SH3TC1: variants seen among roughly 807,000 people sequenced by gnomAD.
SH3TC1 encodes the protein SH3 domain and tetratricopeptide repeat-containing protein 1.
Under a neutral mutation model 117.3 loss-of-function variants are expected in SH3TC1, and 135 were observed. The observed-to-expected ratio is 1.15, with a 90% CI of 1.00 to 1.33. The LOEUF (loss-of-function observed/expected upper bound fraction) is 1.33, where lower values mean the gene tolerates loss of function less well. Among genes scored for constraint, SH3TC1 ranks in the 40% most tolerant of loss-of-function variants. SH3TC1 has a pLI of 0.00. For missense variants in SH3TC1, 2,092 were observed against 1,794.3 expected (o/e 1.17, Z -3.00); for synonymous variants, 898 against 816.9 (o/e 1.10, Z -1.69).
rs767474162 is a variant in SH3TC1, at chr4:8,227,664, G to C, written c.1970G>C (p.Gly657Ala). 1.4e-5 allele frequency: 22 copies of C among 1,530,518 alleles called. No homozygotes were observed. The Admixed American group carries it at 4.4e-4, about 30-fold the overall frequency. 94.8% of individuals were successfully genotyped at this position (1,530,518 alleles called of 1,614,324 possible). A position where few individuals can be genotyped will look rare whatever the true frequency, so the allele number is the denominator to read the frequency against. The change falls in exon 12 of 18, where the codon GGT (glycine) becomes GCT (alanine). Residue 657 changes from glycine to alanine, a missense_variant. Gly to Ala is a moderately conservative substitution (Grantham distance 60). Coordinates refer to ENST00000245105, the MANE Select transcript of SH3TC1 (RefSeq NM_018986.5). ...LLQLALRRAV[G>A]GQSLQAEARA... ...CAGCTGGCGCTGCGGCGGGCGGTGG[G>C]TGGCCAGAGCCTGCAGGCCGAGGCC...
Position 8,212,786 on chromosome 4 carries a change from C to A in SH3TC1, c.333C>A (p.Arg111=). 2 of 1,608,766 alleles carry A rather than the reference C, an allele frequency of 1.2e-6. No homozygotes were observed. Among genetic ancestry groups the A allele is most frequent in the East Asian group, 2.2e-5 (1 of 44,738 alleles). The change falls in exon 4 of 18, where the codon CGC becomes CGA. Residue 111 remains arginine (R), a synonymous_variant. Coordinates refer to ENST00000245105, the MANE Select transcript of SH3TC1 (RefSeq NM_018986.5). Reference sequence around the variant, plus strand: ...AGCAGACCCTCCGGGGCCAGCTCCGCCTGCTGGAGAATGATAGCCGGGAGA... The same window carrying A: ...AGCAGACCCTCCGGGGCCAGCTCCGACTGCTGGAGAATGATAGCCGGGAGA... ...GLQQTLRGQL[R]LLENDSREMA... is the part of the protein sequence containing the mutation.
chr4:8,210,970 C>A lies in SH3TC1; in HGVS notation c.247+1148C>A, dbSNP rs556627890. Among the ~76,000 whole-genome samples, 150 of 151,814 alleles carry A rather than the reference C, an allele frequency of 9.9e-4. No individual in the cohort carries two copies. Among genetic ancestry groups the A allele is most frequent in the Middle Eastern group, 3.4e-3 (1 of 294 alleles). ...TAAGCTTATTCAAAGGTGTGAGAAT[C>A]CATCTCTGTCTCTGTCTCATTTCCA... On this transcript the variant is annotated intron_variant, in intron 3 of 17. Coordinates refer to ENST00000245105, the MANE Select transcript of SH3TC1 (RefSeq NM_018986.5). The surrounding 1 kb of genome is among the most constrained non-coding windows in gnomAD (Gnocchi z 4.1).
chr4:8,216,348 A>C, intron 6 of SH3TC1, 91 bp downstream of exon 6: 1 of 1,518,072 alleles, frequency 6.6e-7, no homozygotes, highest in Non-Finnish European at 8.9e-7. Context: ...TGTGCTGAGC[A>C]TGTCTGGGGC....
At chr4:8,197,814 A>G (rs944564681), upstream of SH3TC1, among the ~76,000 whole-genome samples, 7 of 152,192 alleles carry the variant, frequency 4.6e-5, no homozygotes, top group African/African-American at 1.7e-4. Flanking sequence ...TTGAGGGCTC[A>G]CCGTGCAGGA....
In SH3TC1 at chr4:8,219,170, C is replaced by T. The variant is rs116765762; in HGVS notation, c.917-165C>T. Among the ~76,000 whole-genome samples the T allele has an allele frequency of 1.6e-3, 245 of 152,340 alleles. 1 individual carries two copies. Among genetic ancestry groups the T allele is most frequent in the African/African-American group, 2.6e-3 (109 of 41,574 alleles). On this transcript the variant is annotated intron_variant, in intron 8 of 17. Transcript: ENST00000245105. ...ATAAAAACATCCCCTCTGAGGACCACGTAGACATTCCCTCCCTCATTGCGG... is the reference window on the plus strand; with the variant it reads ...ATAAAAACATCCCCTCTGAGGACCATGTAGACATTCCCTCCCTCATTGCGG...
rs747048381 is a variant in SH3TC1 at position 8,227,404 on chromosome 4, C to G, written c.1710C>G (p.Cys570Trp). 5.2e-6 allele frequency: 8 copies of G among 1,549,008 alleles called. No individual in the cohort carries two copies. Among genetic ancestry groups the G allele is most frequent in the Admixed American group, 2.0e-5 (1 of 49,772 alleles). Reference protein sequence around the residue: ...ARLCFLLGRLCSRRLKLSQAR... With the variant: ...ARLCFLLGRLWSRRLKLSQAR... ...TCTGCTTCCTCCTGGGGCGGCTGTG[C>G]AGCAGGAGGCTCAAGCTGTCCCAGG... Residue 570 changes from cysteine to tryptophan, a missense_variant, in exon 12 of 18, where the codon TGC becomes TGG. By Grantham distance (215) the Cys-to-Trp change is radical. Transcript: ENST00000245105.
rs1364573743 is a variant in SH3TC1, at chr4:8,190,714, C to T, written c.-57+8504C>T. Among the ~76,000 whole-genome samples, 6 of 151,982 alleles carry T rather than the reference C, an allele frequency of 3.9e-5. No individual in the cohort carries two copies. The highest frequency in any genetic ancestry group is 2.1e-4 in the South Asian group (1 of 4,820). On this transcript the variant is annotated intron_variant, in intron 1 of 16. Coordinates refer to the SH3TC1 transcript ENST00000508641. This position sits in a 1 kb window ranked among gnomAD's most constrained non-coding sequence, Gnocchi z 4.7. ...GGAGTGCAGTAGTGTGGTTATCGCT[C>T]GCTGCAGCCTCCAACTCCTGGGCTC...
rs1181849991 is a variant in SH3TC1, at chr4:8,205,021, A to T, written c.-28-146A>T. On this transcript the variant is annotated intron_variant, in intron 1 of 17. Coordinates refer to ENST00000245105, the MANE Select transcript of SH3TC1 (RefSeq NM_018986.5). The surrounding 1 kb of genome is among the most constrained non-coding windows in gnomAD (Gnocchi z 5.4). ...GATCACGCCCACCACAACACGGTGC[A>T]CGGTGCGGTGAGGGGCTCGCTGGAT... is the stretch of plus-strand genomic sequence containing the variant. The T allele has an allele frequency of 1.8e-6, 1 of 571,152 alleles. No homozygotes were observed. The highest frequency in any genetic ancestry group is 2.9e-6 in the Non-Finnish European group (1 of 345,078). 35.4% of individuals were successfully genotyped at this position (571,152 alleles called of 1,614,324 possible). A position where few individuals can be genotyped will look rare whatever the true frequency, so the allele number is the denominator to read the frequency against.
In SH3TC1 at chr4:8,240,919, G is replaced by C; in HGVS notation, c.3975G>C (p.Gly1325=). 1 of 1,612,438 alleles carries C rather than the reference G, an allele frequency of 6.2e-7. No individual in the cohort carries two copies. The highest frequency in any genetic ancestry group is 8.5e-7 in the Non-Finnish European group (1 of 1,180,000). ...RVNLPPLPLC[G]WAPWLAPSHP... ...ACCTGCCTCCTCTGCCACTCTGCGG[G>C]TGGGCCCCCTGGTTGGCCCCCAGCC... Residue 1325 remains glycine, a synonymous_variant, in exon 18 of 18, where the codon GGG becomes GGC. Coordinates refer to ENST00000245105, the MANE Select transcript of SH3TC1 (RefSeq NM_018986.5).
In SH3TC1 at chr4:8,218,312, T is replaced by C; in HGVS notation, c.881T>C (p.Met294Thr). Residue 294 changes from methionine to threonine, a missense_variant, in exon 8 of 18, where the codon ATG becomes ACG. Transcript: ENST00000245105. Reference sequence around the variant, plus strand: ...CCCCAGGACCCCATCGACGATGCCATGGGTGGCCCTGTGATGCCCGGCAAC... The same window carrying C: ...CCCCAGGACCCCATCGACGATGCCACGGGTGGCCCTGTGATGCCCGGCAAC... ...RIPQDPIDDAMGGPVMPGNPL... is the reference protein window; with the variant it reads ...RIPQDPIDDATGGPVMPGNPL... The C allele has an allele frequency of 6.2e-7, 1 of 1,612,066 alleles. No individual in the cohort carries two copies. The highest frequency in any genetic ancestry group is 8.5e-7 in the Non-Finnish European group (1 of 1,178,468).
Position 8,228,284 on chromosome 4 carries a change from G to T in SH3TC1, c.2590G>T (p.Val864Leu), listed in dbSNP as rs368042560. ...GGTGGCCAGCGAGGACCAGGAGGGC[G>T]TGATTGCCAACATGGTGGCCGTGGC... ...AVVASEDQEG[V>L]IANMVAVALK... The change falls in exon 12 of 18, where the codon GTG (valine) becomes TTG (leucine). Residue 864 changes from valine to leucine, a missense_variant. Physicochemically the swap from Val to Leu is conservative, Grantham distance 32. Transcript: ENST00000245105. 6.2e-7 allele frequency: 1 copy of T among 1,612,316 alleles called. No individual in the cohort carries two copies. The highest frequency in any genetic ancestry group is 1.7e-5 in the Admixed American group (1 of 60,020).
intron 12 of SH3TC1, chr4:8,231,639 C>A (rs971771442): frequency 2.6e-5 from 8 of 308,892 alleles, no homozygotes; most frequent in Non-Finnish European, 4.8e-5. Context: ...GTTCCATCTG[C>A]GACAGGGGCT....
rs1465960497 is a variant in SH3TC1 at position 8,183,738 on chromosome 4, T to C, written c.-57+1528T>C. ...TCACCTTGGTATGGTACATTTGTCA[T>C]AACTAATGAGCCAATACCACCAATG... On this transcript the variant is annotated intron_variant, in intron 1 of 16. Coordinates refer to the SH3TC1 transcript ENST00000508641. The surrounding 1 kb of genome is among the most constrained non-coding windows in gnomAD (Gnocchi z 5.4). 6.6e-6 allele frequency among the ~76,000 whole-genome samples: 1 copy of C among 152,166 alleles called. No individual in the cohort carries two copies. Among genetic ancestry groups the C allele is most frequent in the Non-Finnish European group, 1.5e-5 (1 of 68,024 alleles).
rs765366188 is a variant in SH3TC1 at position 8,205,338 on chromosome 4, C to T, written c.144C>T (p.Pro48=). ...RPSVSWEKAG[P]EEAKAPVRGD... ...CTGTGAGCTGGGAGAAAGCGGGGCC[C>T]GAGGAGGCCAAGGCGCCAGTGAGAG... Residue 48 remains proline (P), a synonymous_variant, in exon 2 of 18, where the codon CCC becomes CCT. Coordinates refer to ENST00000245105, the MANE Select transcript of SH3TC1 (RefSeq NM_018986.5). This position sits in a 1 kb window ranked among gnomAD's most constrained non-coding sequence, Gnocchi z 5.4. 119 of 1,549,402 alleles carry T rather than the reference C, an allele frequency of 7.7e-5. No individual in the cohort carries two copies. Among genetic ancestry groups the T allele is most frequent in the Middle Eastern group, 4.2e-4 (2 of 4,810 alleles).
In SH3TC1 at chr4:8,228,090, A is replaced by G. The variant is rs144443559; in HGVS notation, c.2396A>G (p.His799Arg). 175 of 1,608,822 alleles carry G rather than the reference A, an allele frequency of 1.1e-4. No individual in the cohort carries two copies. The African/African-American group carries it at 1.8e-3, about 17-fold the overall frequency. ...YTSLAQLYSHHGCHGPAITFM... is the reference protein window; with the variant it reads ...YTSLAQLYSHRGCHGPAITFM... ...AGCTTGGCCCAGCTGTACAGCCACC[A>G]TGGCTGCCACGGCCCGGCCATCACC... The change falls in exon 12 of 18, where the codon CAT (histidine) becomes CGT (arginine). Residue 799 changes from histidine (H) to arginine (R), a missense_variant. Physicochemically the swap from His to Arg is conservative, Grantham distance 29. Transcript: ENST00000245105.
intron 17 of SH3TC1, among the ~76,000 whole-genome samples, chr4:8,239,750 C>T (rs1722168718): frequency 6.6e-6 from 1 of 152,230 alleles, no homozygotes. Context: ...TGGGCCCCCA[C>T]AGGCTCCTGG....
Position 8,205,397 on chromosome 4 carries a change from T to G in SH3TC1, c.172+31T>G. Reference sequence around the variant, plus strand: ...TTCATTCCACCCTCACCACCCGCCCTCCATCCCACCCACTTCTCCACCCCA... The same window carrying G: ...TTCATTCCACCCTCACCACCCGCCCGCCATCCCACCCACTTCTCCACCCCA... On this transcript the variant is annotated intron_variant, in intron 2 of 17. Transcript: ENST00000245105. This position sits in a 1 kb window ranked among gnomAD's most constrained non-coding sequence, Gnocchi z 5.4. 1 of 1,359,112 alleles carries G rather than the reference T, an allele frequency of 7.4e-7. No individual in the cohort carries two copies. Among genetic ancestry groups the G allele is most frequent in the East Asian group, 3.7e-5 (1 of 27,374 alleles). 84.2% of individuals were successfully genotyped at this position (1,359,112 alleles called of 1,614,324 possible).
chr4:8,218,206 T>C, intron 7 of SH3TC1, 65 bp from the exon 8 acceptor site: 2 of 1,346,006 alleles, frequency 1.5e-6, no homozygotes, highest in Non-Finnish European at 2.1e-6. Flanking sequence ...GTCCAGTCTC[T>C]GCACAGGATG....
chr4:8,218,141 T>G, intron 7 of SH3TC1, 130 bp from the exon 8 acceptor site: 2 of 585,070 alleles, frequency 3.4e-6, no homozygotes, highest in Non-Finnish European at 6.2e-6. Flanking sequence ...TGTGTGCACG[T>G]GTGTGTGTTG....
Sources: allele counts gnomAD v4.1 joint callset (sites outside exome capture counted in the v4.1 genomes callset), GRCh38; gene constraint gnomAD v4.1.1; non-coding constraint Gnocchi (gnomAD v3.1); transcripts MANE v1.5; gene names NCBI Gene and HGNC (gene_info 2026-07-23, HGNC 2026-07-21).